Variants in ADAMTS17 observed in about 807,000 individuals in gnomAD.
The protein encoded by ADAMTS17 is A disintegrin and metalloproteinase with thrombospondin motifs 17.
A neutral mutation model predicts 141.5 loss-of-function variants in ADAMTS17; 113 were observed. That is an observed-to-expected ratio of 0.80 (90% CI 0.69 to 0.93). The LOEUF is 0.93. Ranked by LOEUF, ADAMTS17 falls within the 40% of genes least tolerant of loss-of-function variation. The probability of loss-of-function intolerance (pLI) is 0.00; values close to 1 mark genes in which losing one functional copy is unlikely to be tolerated. For missense variants in ADAMTS17, 1,659 were observed against 1,517.9 expected, an observed-to-expected ratio of 1.09 and a Z score of -1.54; for synonymous variants, 768 against 630.6, an observed-to-expected ratio of 1.22 and a Z score of -3.27.
In ADAMTS17 at chr15:100,334,517, T is replaced by C. The variant is rs187913634; in HGVS notation, c.451-3463A>G. Among the ~76,000 whole-genome samples, 24 of 152,292 alleles carry C rather than the reference T, an allele frequency of 1.6e-4. No individual in the cohort carries two copies. In the East Asian group the frequency reaches 4.2e-3, roughly 27 times the overall value. On this transcript the variant is annotated intron_variant, in intron 2 of 21. Coordinates refer to ENST00000268070, the MANE Select transcript of ADAMTS17 (RefSeq NM_139057.4). Reference sequence around the variant, plus strand: ...AGCTTCCAAGAAGAAAAAGCCACCCTGTAACTGCAGATCCTCCCGTCCTGC... The same window carrying C: ...AGCTTCCAAGAAGAAAAAGCCACCCCGTAACTGCAGATCCTCCCGTCCTGC...
At chr15:100,213,497 C>A (rs1047352361) in intron 7 of ADAMTS17, among the ~76,000 whole-genome samples, 1 of 152,184 alleles carries the variant, frequency 6.6e-6, no homozygotes, top group Non-Finnish European at 1.5e-5. Flanking sequence ...ACCACACACA[C>A]CCCGGGAACA....
At chr15:100,088,017 G>T (rs914122892) in intron 15 of ADAMTS17, among the ~76,000 whole-genome samples, 2 of 152,094 alleles carry the variant, frequency 1.3e-5, no homozygotes, top group African/African-American at 2.4e-5. Context: ...GGAAATAAAG[G>T]GTATTCAATT....
At chr15:100,038,384 T>C (rs962007569) in intron 18 of ADAMTS17, among the ~76,000 whole-genome samples, 2 of 152,226 alleles carry the variant, frequency 1.3e-5, no homozygotes, top group Non-Finnish European at 2.9e-5. Flanking sequence ...TTTAGCGACA[T>C]GTCCCCATTT....
intron 15 of ADAMTS17, among the ~76,000 whole-genome samples, chr15:100,077,710 G>C (rs1413211772): frequency 6.6e-6 from 1 of 152,140 alleles, no homozygotes; most frequent in Non-Finnish European, 1.5e-5. Flanking sequence ...TAAGGAACAA[G>C]ACAAGGACGT....
intron 8 of ADAMTS17, among the ~76,000 whole-genome samples, chr15:100,176,258 G>A (rs1567305286): frequency 6.6e-6 from 1 of 152,152 alleles, no homozygotes; most frequent in Non-Finnish European, 1.5e-5. Context: ...ACAGAGGAAG[G>A]GCTCTATCAG....
chr15:100,000,538 A>C (rs1163021381), intron 18 of ADAMTS17, among the ~76,000 whole-genome samples: 3 of 152,078 alleles, frequency 2.0e-5, no homozygotes, highest in Non-Finnish European at 4.4e-5. Flanking sequence ...TTTGAGATGG[A>C]GTTTCGCTCT....
At chr15:100,235,743 T>A (rs1381236124) in intron 7 of ADAMTS17, among the ~76,000 whole-genome samples, 1 of 152,048 alleles carries the variant, frequency 6.6e-6, no homozygotes, top group African/African-American at 2.4e-5. Context: ...CATCAAAAGG[T>A]GCTGGGGGCA....
intron 3 of ADAMTS17, among the ~76,000 whole-genome samples, chr15:100,282,034 T>C (rs533053859): frequency 1.3e-5 from 2 of 152,354 alleles, no homozygotes; most frequent in East Asian, 1.9e-4. Flanking sequence ...TAATTCTCCA[T>C]TGATTCTCTA....
chr15:100,282,017 G>A (rs1371063011), intron 3 of ADAMTS17, among the ~76,000 whole-genome samples: 1 of 152,182 alleles, frequency 6.6e-6, no homozygotes, highest in Non-Finnish European at 1.5e-5. Flanking sequence ...AGTAGTAGAT[G>A]TGTGAGTAAT....
intron 3 of ADAMTS17, among the ~76,000 whole-genome samples, chr15:100,281,912 G>GT (rs947512440): frequency 1.1e-4 from 16 of 152,156 alleles, no homozygotes; most frequent in South Asian, 8.3e-4. Context: ...AAAACACTAT[G>GT]TTTTTTAAAA....
At chr15:100,124,686 G>A (rs991044988) in intron 12 of ADAMTS17, among the ~76,000 whole-genome samples, 5 of 152,248 alleles carry the variant, frequency 3.3e-5, no homozygotes, top group African/African-American at 9.6e-5. Flanking sequence ...TGTGCACGGA[G>A]CTGTGCTTCT....
chr15:100,333,894 G>A (rs970802264), intron 2 of ADAMTS17, among the ~76,000 whole-genome samples: 5 of 152,206 alleles, frequency 3.3e-5, no homozygotes, highest in Non-Finnish European at 5.9e-5. Context: ...AGACAGAACT[G>A]GCAGCCCTGA....
At chr15:100,170,015 A>G (rs2040100666) in intron 8 of ADAMTS17, among the ~76,000 whole-genome samples, 1 of 151,972 alleles carries the variant, frequency 6.6e-6, no homozygotes. Flanking sequence ...TACAGGTCCG[A>G]GACATTACCT....
chr15:100,275,567 A>G (rs58436812), intron 4 of ADAMTS17, among the ~76,000 whole-genome samples: 4,270 of 152,248 alleles, frequency 0.028, 70 homozygotes, highest in East Asian at 0.072. Flanking sequence ...CAACAAGGTG[A>G]CATGGGGTCC....
intron 7 of ADAMTS17, among the ~76,000 whole-genome samples, chr15:100,235,095 G>A (rs769224053): frequency 6.6e-5 from 10 of 152,158 alleles, no homozygotes; most frequent in Non-Finnish European, 1.5e-4. Context: ...TCAGCGATTC[G>A]AGAACAGGAA....
At chr15:100,229,944 G>A (rs566690579) in intron 7 of ADAMTS17, among the ~76,000 whole-genome samples, 2 of 152,284 alleles carry the variant, frequency 1.3e-5, no homozygotes, top group South Asian at 4.1e-4. Flanking sequence ...TGCAGGGAAA[G>A]CCTGCCTGTG....
intron 8 of ADAMTS17, among the ~76,000 whole-genome samples, chr15:100,181,437 C>G (rs1298780329): frequency 6.6e-6 from 1 of 152,158 alleles, no homozygotes; most frequent in African/African-American, 2.4e-5. Context: ...CTGAAGCCAC[C>G]ACATCTCAGA....
chr15:100,057,341 T>C (rs543912979), intron 15 of ADAMTS17, among the ~76,000 whole-genome samples: 3 of 152,222 alleles, frequency 2.0e-5, no homozygotes, highest in East Asian at 1.9e-4. Flanking sequence ...GAGCAAATGA[T>C]TTCTTTGAAG....
At chr15:100,000,004 G>T (rs1246086369) in intron 18 of ADAMTS17, among the ~76,000 whole-genome samples, 3 of 152,214 alleles carry the variant, frequency 2.0e-5, no homozygotes, top group Non-Finnish European at 2.9e-5. Flanking sequence ...CGCATGGCAG[G>T]GATGGGAGCC....
Sources: gnomAD v4.1 joint callset for allele counts (sites outside exome capture counted in the v4.1 genomes callset) on GRCh38, gnomAD v4.1.1 for gene constraint, MANE v1.5 for transcripts, NCBI Gene and HGNC (gene_info 2026-07-23, HGNC 2026-07-21) for gene names.